Variants in ZNF174 observed in about 807,000 individuals in gnomAD.
ZNF174 encodes the protein zinc finger protein 174.
A neutral mutation model predicts 38.7 loss-of-function variants in ZNF174; 30 were observed. That is an observed-to-expected ratio of 0.78 (90% CI 0.58 to 1.05). The LOEUF (loss-of-function observed/expected upper bound fraction) is 1.05, where lower values mean the gene tolerates loss of function less well. Among genes scored for constraint, ZNF174 ranks in the 50% least tolerant of loss-of-function variants. ZNF174 has a pLI of 0.00. For missense variants in ZNF174, 499 were observed against 495.6 expected, an observed-to-expected ratio of 1.01 and a Z score of -0.06; for synonymous variants, 201 against 181.7, an observed-to-expected ratio of 1.11 and a Z score of -0.86.
rs184701462 is a variant in ZNF174, at chr16:3,405,225, G to A, written c.625+577G>A. The A allele has an allele frequency of 6.8e-4, 453 of 661,852 alleles. 2 individuals carry two copies. In the African/African-American group the frequency reaches 7.6e-3, roughly 11 times the overall value. The allele number at this position is 661,852 out of a possible 1,614,324, so 41.0% of individuals were successfully genotyped here. Reference sequence around the variant, plus strand: ...TGTGAATACAAGATACAGTGAGCACGTTAGGGAGGAGGGTTACAAGACGAC... The same window carrying A: ...TGTGAATACAAGATACAGTGAGCACATTAGGGAGGAGGGTTACAAGACGAC... On this transcript the variant is annotated intron_variant, in intron 2 of 2. Transcript: ENST00000268655.
rs779849428 is a variant in ZNF174, at chr16:3,408,803, A to AAGCT, written c.1109_1112dup (p.His372AlafsTer79). ...CTGCTTTGGGCGGCAGTCAACCCTGAAGCTGCACCAGAGGATCCACACTGG... is the reference window on the plus strand; with the variant it reads ...CTGCTTTGGGCGGCAGTCAACCCTGAAGCTAGCTGCACCAGAGGATCCACACTGG... On this transcript the variant is annotated frameshift_variant, in exon 3 of 3. Transcript: ENST00000268655. LOFTEE classifies it high-confidence loss of function. 1 of 1,614,148 alleles carries AAGCT rather than the reference A, an allele frequency of 6.2e-7. No homozygotes were observed. The highest frequency in any genetic ancestry group is 1.1e-5 in the South Asian group (1 of 91,082).
At position 3,408,377 on chromosome 16, in the gene ZNF174, G is replaced by T; in HGVS notation, c.682G>T (p.Gly228Ter). 1 of 1,613,898 alleles carries T rather than the reference G, an allele frequency of 6.2e-7. No individual in the cohort carries two copies. Among genetic ancestry groups the T allele is most frequent in the Non-Finnish European group, 8.5e-7 (1 of 1,179,910 alleles). ...KENPQQEGAK[G>*]AKPCAVSAGR... ...AAATCCACAACAGGAAGGGGCTAAA[G>T]GAGCAAAGCCATGTGCAGTGTCAGC... Residue 228 changes from glycine to a stop codon, truncating the protein, a stop_gained, in exon 3 of 3, where the codon GGA (glycine) becomes TGA (stop). Transcript: ENST00000268655. LOFTEE classifies it high-confidence loss of function.
intron 1 of ZNF174, among the ~76,000 whole-genome samples, chr16:3,404,046 C>T (rs1021855378): frequency 6.6e-6 from 1 of 152,132 alleles, no homozygotes; most frequent in Admixed American, 6.5e-5. Context: ...AGCCCCTCAC[C>T]ATACTGCTTC....
At position 3,409,102 on chromosome 16, in the gene ZNF174, A is replaced by T. The variant is rs2034093970; in HGVS notation, c.*183A>T. On this transcript the variant is annotated 3_prime_UTR_variant, in exon 3 of 3. Transcript: ENST00000268655. ...GCCAACCAGGGCCCAACCGTGCATG[A>T]TGACAGGGTGAAGAGAAGGCAGGTC... 1.5e-6 allele frequency: 1 copy of T among 649,922 alleles called. No individual in the cohort carries two copies. The highest frequency in any genetic ancestry group is 2.9e-5 in the Admixed American group (1 of 34,082). 40.3% of individuals were successfully genotyped at this position (649,922 alleles called of 1,614,324 possible). A position where few individuals can be genotyped will look rare whatever the true frequency, so the allele number is the denominator to read the frequency against.
chr16:3,402,583 C>G (rs553527769), intron 1 of ZNF174, among the ~76,000 whole-genome samples, 177 bp downstream of exon 1: 2 of 151,968 alleles, frequency 1.3e-5, no homozygotes, highest in East Asian at 1.9e-4. Flanking sequence ...CTCAGCCTCC[C>G]GAGTAGCTGG....
chr16:3,404,533 C>T lies in ZNF174; in HGVS notation c.510C>T (p.Leu170=), dbSNP rs770671040. 1 of 1,614,218 alleles carries T rather than the reference C, an allele frequency of 6.2e-7. No individual in the cohort carries two copies. The highest frequency in any genetic ancestry group is 1.1e-5 in the South Asian group (1 of 91,080). Residue 170 remains leucine, a synonymous_variant, in exon 2 of 3, where the codon CTC becomes CTT. Transcript: ENST00000268655. ...AACCGCAGACTCCTAGGAGAGATCTCAGGGAGAGCTCTCCAGCAGAGCCTT... is the reference window on the plus strand; with the variant it reads ...AACCGCAGACTCCTAGGAGAGATCTTAGGGAGAGCTCTCCAGCAGAGCCTT... ...DFQPQTPRRD[L]RESSPAEPSQ... is the part of the protein sequence containing the mutation.
At chr16:3,405,223 A>G in intron 2 of ZNF174, 1 of 675,176 alleles carries the variant, frequency 1.5e-6, no homozygotes, top group Admixed American at 3.5e-5. Context: ...TACAGTGAGC[A>G]CGTTAGGGAG....
intron 2 of ZNF174, among the ~76,000 whole-genome samples, chr16:3,406,171 T>C (rs867394147): frequency 1.8e-4 from 28 of 152,330 alleles, no homozygotes; most frequent in African/African-American, 6.0e-4. Flanking sequence ...ATATTACATG[T>C]TGGTTTTCTG....
intron 1 of ZNF174, 79 bp downstream of exon 1, chr16:3,402,485 A>G (rs538976967): frequency 2.5e-4 from 348 of 1,414,984 alleles, no homozygotes; most frequent in Admixed American, 3.7e-4. Context: ...TTGAGACGGA[A>G]TCTTGCTCTT....
At position 3,408,657 on chromosome 16, in the gene ZNF174, C is replaced by G. The variant is rs1383300985; in HGVS notation, c.962C>G (p.Ser321Ter). The G allele has an allele frequency of 6.2e-7, 1 of 1,614,158 alleles. No individual in the cohort carries two copies. The highest frequency in any genetic ancestry group is 8.5e-7 in the Non-Finnish European group (1 of 1,180,028). The change falls in exon 3 of 3, where the codon TCA becomes TGA. Residue 321 changes from serine to a stop codon, truncating the protein, a stop_gained. Transcript: ENST00000268655. LOFTEE classifies it high-confidence loss of function. ...LQHLGHQPTR[S>*]AKKPYKCDDC... is the part of the protein sequence containing the mutation. ...CATCTTGGTCACCAGCCCACCCGCT[C>G]AGCAAAGAAACCCTACAAATGTGAT...
In ZNF174 at chr16:3,401,815, G is replaced by T; in HGVS notation, c.-190G>T. On this transcript the variant is annotated 5_prime_UTR_variant, in exon 1 of 3. Transcript: ENST00000268655. Reference sequence around the variant, plus strand: ...AAGACAAAACTCTTCCCACTCCCAGGGACCGCGTTGTCTTGAGTTTGGCTA... The same window carrying T: ...AAGACAAAACTCTTCCCACTCCCAGTGACCGCGTTGTCTTGAGTTTGGCTA... The T allele has an allele frequency of 1.5e-6, 1 of 648,778 alleles. No homozygotes were observed. Among genetic ancestry groups the T allele is most frequent in the African/African-American group, 1.8e-5 (1 of 54,280 alleles). 40.2% of individuals were successfully genotyped at this position (648,778 alleles called of 1,614,324 possible). A position where few individuals can be genotyped will look rare whatever the true frequency, so the allele number is the denominator to read the frequency against.
chr16:3,404,054 T>C (rs1399862652), intron 1 of ZNF174, among the ~76,000 whole-genome samples: 1 of 152,196 alleles, frequency 6.6e-6, no homozygotes, highest in East Asian at 1.9e-4. Flanking sequence ...ACCATACTGC[T>C]TCCTGTTCCT....
At position 3,408,999 on chromosome 16, in the gene ZNF174, A is replaced by G. The variant is rs969337219; in HGVS notation, c.*80A>G. ...CCTTACTTGCATGTAAATCACAAAA[A>G]CTGTGTGACTTACAAGGAAAGCACG... On this transcript the variant is annotated 3_prime_UTR_variant, in exon 3 of 3. Transcript: ENST00000268655. 103 of 1,350,544 alleles carry G rather than the reference A, an allele frequency of 7.6e-5. No homozygotes were observed. In the Middle Eastern group the frequency reaches 2.1e-3, roughly 27 times the overall value. 83.7% of individuals were successfully genotyped at this position (1,350,544 alleles called of 1,614,324 possible).
chr16:3,407,825 G>A (rs1285121734), intron 2 of ZNF174, among the ~76,000 whole-genome samples: 1 of 152,212 alleles, frequency 6.6e-6, no homozygotes, highest in Admixed American at 6.5e-5. Flanking sequence ...CACAGTCTCT[G>A]AACTTACCAT....
intron 2 of ZNF174, chr16:3,404,979 C>A: frequency 6.2e-7 from 1 of 1,614,126 alleles, no homozygotes; most frequent in Non-Finnish European, 8.5e-7. Flanking sequence ...GGCTGAGTTT[C>A]ATTGCTTAAA....
At chr16:3,406,454 A>T (rs1234145276) in intron 2 of ZNF174, among the ~76,000 whole-genome samples, 1 of 152,146 alleles carries the variant, frequency 6.6e-6, no homozygotes, top group East Asian at 1.9e-4. Context: ...TCTTGCTAGC[A>T]CTTGTTATTG....
Position 3,409,079 on chromosome 16 carries a change from C to A in ZNF174, c.*160C>A. 1 of 767,144 alleles carries A rather than the reference C, an allele frequency of 1.3e-6. No individual in the cohort carries two copies. Among genetic ancestry groups the A allele is most frequent in the Non-Finnish European group, 2.1e-6 (1 of 476,246 alleles). The allele number at this position is 767,144 out of a possible 1,614,324, so 47.5% of individuals were successfully genotyped here. Reference sequence around the variant, plus strand: ...TGCTGTGAGGAGGCCCAGAAAAGGCCAACCAGGGCCCAACCGTGCATGATG... The same window carrying A: ...TGCTGTGAGGAGGCCCAGAAAAGGCAAACCAGGGCCCAACCGTGCATGATG... On this transcript the variant is annotated 3_prime_UTR_variant, in exon 3 of 3. Transcript: ENST00000268655.
Position 3,402,158 on chromosome 16 carries a change from T to C in ZNF174, c.154T>C (p.Phe52Leu). 2 of 1,613,128 alleles carry C rather than the reference T, an allele frequency of 1.2e-6. No individual in the cohort carries two copies. The highest frequency in any genetic ancestry group is 2.7e-5 in the African/African-American group (2 of 75,020). The change falls in exon 1 of 3, where the codon TTT becomes CTT. Residue 52 changes from phenylalanine to leucine, a missense_variant. Transcript: ENST00000268655. ...GCTCTGCCGCCAGAGCTTCAGACGC[T>C]TTTGTTATCAAGAGGTGTCTGGACC... ...PELCRQSFRR[F>L]CYQEVSGPQE... is the part of the protein sequence containing the mutation.
At position 3,401,228 on chromosome 16, in the gene ZNF174, C is replaced by G. The variant is rs866498943; in HGVS notation, c.-777C>G. ...GGCCCCGCCCCCAGCCCGTGCTCGC[C>G]GGTGTCGGGTCCTAAGTCCCTCGGT... On this transcript the variant is annotated 5_prime_UTR_variant, in exon 1 of 3. Transcript: ENST00000268655. The G allele has an allele frequency of 6.6e-6, 1 of 152,318 alleles. No individual in the cohort carries two copies. The highest frequency in any genetic ancestry group is 2.4e-5 in the African/African-American group (1 of 41,456). 9.4% of individuals were successfully genotyped at this position (152,318 alleles called of 1,614,324 possible).
Sources: allele counts gnomAD v4.1 joint callset (sites outside exome capture counted in the v4.1 genomes callset), GRCh38; gene constraint gnomAD v4.1.1; transcripts MANE v1.5; gene names NCBI Gene and HGNC (gene_info 2026-07-23, HGNC 2026-07-21).